SGCZ: variants seen among roughly 807,000 people sequenced by gnomAD.
SGCZ encodes sarcoglycan zeta, also known as zeta-sarcoglycan.
SGCZ carries 40 observed loss-of-function variants against 41.3 expected under a neutral mutation model. That is an observed-to-expected ratio of 0.97 (90% CI 0.75 to 1.26). The LOEUF (loss-of-function observed/expected upper bound fraction) is 1.26. SGCZ is among the 50% of genes most tolerant of loss of function. The pLI is 0.00. For missense variants in SGCZ, 552 were observed against 369.8 expected (o/e 1.49, Z -4.04); for synonymous variants, 206 against 137.5 (o/e 1.50, Z -3.49).
In SGCZ at chr8:14,370,657, G is replaced by A. The variant is rs187145123; in HGVS notation, c.235-46453C>T. The stretch of plus-strand genomic sequence containing the variant: ...AAATTTTAGTTTTTAATATTTATGT[G>A]GTTAATGAAAAGCATCTTGGAAGCT... On this transcript the variant is annotated intron_variant, in intron 2 of 7. Coordinates refer to ENST00000382080, the MANE Select transcript of SGCZ (RefSeq NM_139167.4). Among the ~76,000 whole-genome samples, 820 of 151,676 alleles carry A rather than the reference G, an allele frequency of 5.4e-3. 6 individuals are homozygous for A. Among genetic ancestry groups the A allele is most frequent in the Non-Finnish European group, 9.1e-3 (617 of 67,786 alleles).
At chr8:15,217,808 G>A (rs1801461793) in intron 1 of SGCZ, among the ~76,000 whole-genome samples, 1 of 152,122 alleles carries the variant, frequency 6.6e-6, no homozygotes, top group Non-Finnish European at 1.5e-5. Flanking sequence ...TAGGGCTCTG[G>A]CTGTGCGTGG....
chr8:14,847,328 G>A (rs187515396), intron 1 of SGCZ, among the ~76,000 whole-genome samples: 15 of 152,116 alleles, frequency 9.9e-5, no homozygotes, highest in Non-Finnish European at 2.1e-4. Context: ...ATAGAAGTTT[G>A]TGGACCAATA....
At chr8:14,416,783 T>A (rs1799504745) in intron 2 of SGCZ, among the ~76,000 whole-genome samples, 1 of 151,880 alleles carries the variant, frequency 6.6e-6, no homozygotes, top group Non-Finnish European at 1.5e-5. Flanking sequence ...TGCCTGGGAC[T>A]CAATTTATTT....
chr8:15,071,984 T>A (rs1255680612), intron 1 of SGCZ, among the ~76,000 whole-genome samples: 1 of 152,080 alleles, frequency 6.6e-6, no homozygotes, highest in Non-Finnish European at 1.5e-5. Flanking sequence ...TGGGAACGAC[T>A]TGCACCCAGC....
chr8:14,603,431 C>A (rs1296050571), intron 1 of SGCZ, among the ~76,000 whole-genome samples: 1 of 151,600 alleles, frequency 6.6e-6, no homozygotes, highest in Non-Finnish European at 1.5e-5. Context: ...ATTTTCTATG[C>A]CTTTCATCTA....
chr8:14,338,864 G>A (rs1227870482), intron 2 of SGCZ, among the ~76,000 whole-genome samples: 5 of 152,092 alleles, frequency 3.3e-5, no homozygotes, highest in Admixed American at 1.3e-4. Flanking sequence ...GTTTTAAGGA[G>A]CAGGTAAGAA....
At chr8:14,276,145 G>C (rs918544521) in intron 3 of SGCZ, among the ~76,000 whole-genome samples, 1 of 152,114 alleles carries the variant, frequency 6.6e-6, no homozygotes, top group Admixed American at 6.6e-5. Flanking sequence ...TCCTTTACAT[G>C]TGTATCCTTA....
At chr8:14,828,940 G>C (rs1802432595) in intron 1 of SGCZ, among the ~76,000 whole-genome samples, 2 of 148,140 alleles carry the variant, frequency 1.4e-5, no homozygotes, top group African/African-American at 5.2e-5. Context: ...TCCTGATATG[G>C]CTCCTTTGGA....
At chr8:14,768,625 C>T (rs1237911722) in intron 1 of SGCZ, among the ~76,000 whole-genome samples, 1 of 152,152 alleles carries the variant, frequency 6.6e-6, no homozygotes, top group Non-Finnish European at 1.5e-5. Flanking sequence ...CATCAGGATC[C>T]AGAACTAAGC....
At chr8:14,624,553 T>C (rs1381157859) in intron 1 of SGCZ, among the ~76,000 whole-genome samples, 2 of 39,830 alleles carry the variant, frequency 5.0e-5, no homozygotes, top group African/African-American at 1.3e-4. Flanking sequence ...TTTATTATTA[T>C]TATTTTTTTT....
intron 1 of SGCZ, among the ~76,000 whole-genome samples, chr8:15,159,521 T>G (rs1223215403): frequency 6.6e-6 from 1 of 152,054 alleles, no homozygotes; most frequent in Admixed American, 6.6e-5. Context: ...CTGAAGCTAC[T>G]TCCAGGTAGA....
intron 2 of SGCZ, among the ~76,000 whole-genome samples, chr8:14,478,620 G>C (rs1271070170): frequency 6.6e-6 from 1 of 152,072 alleles, no homozygotes; most frequent in Non-Finnish European, 1.5e-5. Flanking sequence ...ATTGTGTTCA[G>C]ATTTTTTAAA....
chr8:14,161,655 G>T (rs1177665554), intron 5 of SGCZ, among the ~76,000 whole-genome samples: 2 of 152,102 alleles, frequency 1.3e-5, no homozygotes, highest in Non-Finnish European at 1.5e-5. Flanking sequence ...TAATCTGCTT[G>T]TAATTTTATT....
At chr8:14,935,951 A>T (rs979392157) in intron 1 of SGCZ, among the ~76,000 whole-genome samples, 1 of 151,932 alleles carries the variant, frequency 6.6e-6, no homozygotes, top group Non-Finnish European at 1.5e-5. Context: ...ACAGAAAATA[A>T]TTTAAAACAA....
At chr8:14,717,267 G>T (rs1420777780) in intron 1 of SGCZ, among the ~76,000 whole-genome samples, 1 of 152,038 alleles carries the variant, frequency 6.6e-6, no homozygotes, top group African/African-American at 2.4e-5. Flanking sequence ...ATTATAGAGT[G>T]AAAACAACTT....
Position 14,090,350 on chromosome 8 carries a change from G to A in SGCZ, c.*93C>T, listed in dbSNP as rs1251211104. ...GTTGCTCTGTGGACCATTCGAAGAA[G>A]CTCTGGACTGATCACAAGGGAAACC... On this transcript the variant is annotated 3_prime_UTR_variant, in exon 8 of 8. Coordinates refer to ENST00000382080, the MANE Select transcript of SGCZ (RefSeq NM_139167.4). 4 of 1,386,622 alleles carry A rather than the reference G, an allele frequency of 2.9e-6. No homozygotes were observed. Among genetic ancestry groups the A allele is most frequent in the Admixed American group, 2.1e-5 (1 of 46,824 alleles). 85.9% of individuals were successfully genotyped at this position (1,386,622 alleles called of 1,614,324 possible). A position where few individuals can be genotyped will look rare whatever the true frequency, so the allele number is the denominator to read the frequency against.
intron 1 of SGCZ, among the ~76,000 whole-genome samples, chr8:14,670,201 T>C (rs9325721): frequency 0.54 from 82,745 of 151,976 alleles, 24,058 homozygotes; most frequent in East Asian, 0.74. Context: ...AAATGTAAGA[T>C]TATGTTTCCA....
intron 1 of SGCZ, among the ~76,000 whole-genome samples, chr8:14,924,181 G>A (rs1285875652): frequency 6.6e-6 from 1 of 152,202 alleles, no homozygotes; most frequent in African/African-American, 2.4e-5. Context: ...TGTTCCCACA[G>A]TAGTGTTTTC....
At chr8:14,908,978 A>G (rs1030364093) in intron 1 of SGCZ, among the ~76,000 whole-genome samples, 7 of 152,090 alleles carry the variant, frequency 4.6e-5, no homozygotes, top group South Asian at 2.1e-4. Context: ...ATTTTATGTC[A>G]TTATTTCTCT....
Sources: allele counts gnomAD v4.1 joint callset (sites outside exome capture counted in the v4.1 genomes callset), GRCh38; gene constraint gnomAD v4.1.1; transcripts MANE v1.5; gene names NCBI Gene and HGNC (gene_info 2026-07-23, HGNC 2026-07-21).